CDC16: variants seen among roughly 807,000 people sequenced by gnomAD.
CDC16 encodes cell division cycle 16.
Under a neutral mutation model 87.0 loss-of-function variants are expected in CDC16, and 34 were observed. The ratio of observed to expected loss-of-function variants is 0.39; its 90% CI spans 0.30 to 0.52. The LOEUF (loss-of-function observed/expected upper bound fraction) is 0.52. Ranked by LOEUF, CDC16 falls within the 20% of genes least tolerant of loss-of-function variation. The pLI is 0.74. For synonymous variants in CDC16, 263 were observed against 260.6 expected, an observed-to-expected ratio of 1.01 and a Z score of -0.09; for missense variants, 653 against 751.9, an observed-to-expected ratio of 0.87 and a Z score of 1.54.
chr13:114,271,337 C>T (rs1041265209), intron 17 of CDC16, among the ~76,000 whole-genome samples: 2 of 152,110 alleles, frequency 1.3e-5, no homozygotes, highest in Non-Finnish European at 2.9e-5. Context: ...TTGTTTATGT[C>T]GAATGATTGT....
chr13:114,243,720 TA>T, intron 7 of CDC16, 135 bp from the exon 8 acceptor site: 1 of 649,066 alleles, frequency 1.5e-6, no homozygotes, highest in Non-Finnish European at 2.6e-6. Context: ...TTATAAAACC[TA>T]AAGTTATAAG....
At chr13:114,262,655 C>T (rs1199076385) in intron 15 of CDC16, among the ~76,000 whole-genome samples, 1 of 152,248 alleles carries the variant, frequency 6.6e-6, no homozygotes, top group Non-Finnish European at 1.5e-5. Context: ...ATACAGCAGA[C>T]ATCCCTGCAG....
In CDC16 at chr13:114,272,578, C is replaced by A. The variant is rs2083757481; in HGVS notation, c.*135C>A. ...TCTACATTTAGGAACAGAGACCCGC[C>A]TTAAGAGACTGGATCGCACACCTTT... On this transcript the variant is annotated 3_prime_UTR_variant, in exon 18 of 18. Coordinates refer to ENST00000356221, the MANE Select transcript of CDC16 (RefSeq NM_001078645.3). The A allele has an allele frequency of 7.4e-6, 5 of 677,970 alleles. No individual in the cohort carries two copies. The highest frequency in any genetic ancestry group is 1.2e-5 in the Non-Finnish European group (5 of 410,896). 42.0% of individuals were successfully genotyped at this position (677,970 alleles called of 1,614,324 possible).
intron 17 of CDC16, among the ~76,000 whole-genome samples, chr13:114,267,447 G>A (rs1429737884): frequency 6.6e-6 from 1 of 151,652 alleles, no homozygotes; most frequent in Non-Finnish European, 1.5e-5. Context: ...GTTGCAGTGA[G>A]CCAAGATTGT....
intron 17 of CDC16, among the ~76,000 whole-genome samples, chr13:114,267,794 G>A (rs1051808302): frequency 6.9e-6 from 1 of 145,610 alleles, no homozygotes; most frequent in Non-Finnish European, 1.5e-5. Flanking sequence ...AACATGGCTG[G>A]ATTTTTCTCC....
intron 17 of CDC16, among the ~76,000 whole-genome samples, chr13:114,268,302 G>T (rs755173533): frequency 1.3e-5 from 2 of 152,222 alleles, no homozygotes; most frequent in East Asian, 3.8e-4. Context: ...TATGTTACTG[G>T]TGTGGAAGGT....
chr13:114,238,606 T>C (rs1192575127), intron 3 of CDC16, among the ~76,000 whole-genome samples: 1 of 152,230 alleles, frequency 6.6e-6, no homozygotes. Flanking sequence ...TCACACTCAG[T>C]GCTTGAAGAG....
Position 114,257,109 on chromosome 13 carries a change from G to C in CDC16, c.1129G>C (p.Glu377Gln), listed in dbSNP as rs1425948817. The change falls in exon 13 of 18, where the codon GAA becomes CAA. Residue 377 changes from glutamate to glutamine, a missense_variant. Glu to Gln is a conservative substitution (Grantham distance 29). Transcript: ENST00000356221. ...CHLPMLYIGL[E>Q]YGLTNNSKLA... ...TTTGCCTATGCTGTATATTGGATTA[G>C]AATATGGTTTGACCAATAACTCAAA... is the stretch of plus-strand genomic sequence containing the variant. 2 of 1,610,120 alleles carry C rather than the reference G, an allele frequency of 1.2e-6. No individual in the cohort carries two copies. The highest frequency in any genetic ancestry group is 1.7e-6 in the Non-Finnish European group (2 of 1,177,288).
rs557298062 is a variant in CDC16 at position 114,250,805 on chromosome 13, T to G, written c.1097+131T>G. ...CATTTTACTTGCCTTTTAATCTAGTTGCTTGTGATTGTAAAATAACTATGA... is the reference window on the plus strand; with the variant it reads ...CATTTTACTTGCCTTTTAATCTAGTGGCTTGTGATTGTAAAATAACTATGA... On this transcript the variant is annotated intron_variant, in intron 12 of 17. Coordinates refer to ENST00000356221, the MANE Select transcript of CDC16 (RefSeq NM_001078645.3). 6.4e-5 allele frequency: 55 copies of G among 862,032 alleles called. No homozygotes were observed. The African/African-American group carries it at 8.6e-4, about 14-fold the overall frequency. 53.4% of individuals were successfully genotyped at this position (862,032 alleles called of 1,614,324 possible).
chr13:114,256,114 T>A (rs1269594370), intron 12 of CDC16, among the ~76,000 whole-genome samples: 2 of 152,210 alleles, frequency 1.3e-5, no homozygotes, highest in Admixed American at 1.3e-4. Flanking sequence ...TAAGACAAGT[T>A]AAAGCAGCAC....
rs572501478 is a variant in CDC16, at chr13:114,242,880, G to C, written c.542-377G>C. Among the ~76,000 whole-genome samples, 3 of 152,336 alleles carry C rather than the reference G, an allele frequency of 2.0e-5. No individual in the cohort carries two copies. In the East Asian group the frequency reaches 5.8e-4, roughly 29 times the overall value. ...TTTGTCACAGCTTAGGGGCAGGGAG[G>C]GAGGTTGAGAGGTTGCTGCTGGTAT... On this transcript the variant is annotated intron_variant, in intron 6 of 17. Coordinates refer to ENST00000356221, the MANE Select transcript of CDC16 (RefSeq NM_001078645.3).
In CDC16 at chr13:114,234,997, ACG is replaced by A. The variant is rs1309304114; in HGVS notation, c.-87_-86del. The A allele has an allele frequency of 2.1e-6, 2 of 946,864 alleles. No homozygotes were observed. Among genetic ancestry groups the A allele is most frequent in the Non-Finnish European group, 2.7e-6 (2 of 738,088 alleles). The allele number at this position is 946,864 out of a possible 1,614,324, so 58.7% of individuals were successfully genotyped here. ...TGGGGCGGCGGCGGCGGCTGCAGGCACGGGCACGGGCACGGGGCGGGGTGCTT... is the reference window on the plus strand; with the variant it reads ...TGGGGCGGCGGCGGCGGCTGCAGGCAGGCACGGGCACGGGGCGGGGTGCTT... On this transcript the variant is annotated 5_prime_UTR_variant, in exon 1 of 18. Coordinates refer to ENST00000356221, the MANE Select transcript of CDC16 (RefSeq NM_001078645.3).
intron 5 of CDC16, among the ~76,000 whole-genome samples, chr13:114,240,694 A>T (rs1189475290): frequency 6.6e-6 from 1 of 152,076 alleles, no homozygotes; most frequent in Non-Finnish European, 1.5e-5. Context: ...TTATTACTTG[A>T]CTTTTCACCT....
chr13:114,235,070 C>T lies in CDC16; in HGVS notation c.-15C>T, dbSNP rs17290951. On this transcript the variant is annotated 5_prime_UTR_variant, in exon 1 of 18. Transcript: ENST00000356221. Reference sequence around the variant, plus strand: ...CTAGCGGCGGAGTGTGGCGTGAGGCCGGGCCCGCGCCGCCATGAACCTAGA... The same window carrying T: ...CTAGCGGCGGAGTGTGGCGTGAGGCTGGGCCCGCGCCGCCATGAACCTAGA... The T allele has an allele frequency of 1.2e-4, 150 of 1,246,416 alleles. 1 individual carries two copies. The South Asian group carries it at 2.6e-3, about 22-fold the overall frequency. The allele number at this position is 1,246,416 out of a possible 1,614,324, so 77.2% of individuals were successfully genotyped here. A position where few individuals can be genotyped will look rare whatever the true frequency, so the allele number is the denominator to read the frequency against.
chr13:114,249,149 G>A (rs1221369836), intron 11 of CDC16, among the ~76,000 whole-genome samples: 1 of 151,640 alleles, frequency 6.6e-6, no homozygotes. Context: ...TGGGAGAGAT[G>A]GGAGACAGCG....
chr13:114,256,326 T>G (rs1250592782), intron 12 of CDC16, among the ~76,000 whole-genome samples: 1 of 152,226 alleles, frequency 6.6e-6, no homozygotes, highest in African/African-American at 2.4e-5. Flanking sequence ...GTGTAAATAT[T>G]TTTAAAGAAT....
intron 11 of CDC16, 141 bp from the exon 12 acceptor site, chr13:114,250,408 C>T: frequency 1.6e-6 from 1 of 643,696 alleles, no homozygotes; most frequent in Non-Finnish European, 2.5e-6. Flanking sequence ...AGGAGAATTG[C>T]TTGGTATCTG....
intron 12 of CDC16, among the ~76,000 whole-genome samples, chr13:114,256,500 G>T (rs1003360280): frequency 6.6e-6 from 1 of 152,160 alleles, no homozygotes; most frequent in African/African-American, 2.4e-5. Context: ...GATCCCAATC[G>T]TGTGAACAGA....
intron 12 of CDC16, among the ~76,000 whole-genome samples, chr13:114,253,737 C>G (rs1390489617): frequency 6.6e-6 from 1 of 150,976 alleles, no homozygotes; most frequent in African/African-American, 2.4e-5. Context: ...ATGAGCCATT[C>G]TATAGATTGT....
Sources: allele counts gnomAD v4.1 joint callset (sites outside exome capture counted in the v4.1 genomes callset), GRCh38; gene constraint gnomAD v4.1.1; transcripts MANE v1.5; gene names NCBI Gene and HGNC (gene_info 2026-07-23, HGNC 2026-07-21).